The following DNAJB13 variants were observed in gnomAD, a reference collection of about 807,000 sequenced individuals.
The protein encoded by DNAJB13 is dnaJ homolog subfamily B member 13.
DNAJB13 carries 22 observed loss-of-function variants against 35.6 expected under a neutral mutation model. The observed-to-expected ratio is 0.62, with a 90% CI of 0.44 to 0.88. DNAJB13 has a LOEUF of 0.88. Ranked by LOEUF, DNAJB13 falls within the 40% of genes least tolerant of loss-of-function variation. The pLI is 0.00. For missense variants in DNAJB13, 370 were observed against 384.3 expected, an observed-to-expected ratio of 0.96 and a Z score of 0.31; for synonymous variants, 136 against 144.2, an observed-to-expected ratio of 0.94 and a Z score of 0.41.
At chr11:73,966,054 A>C in intron 4 of DNAJB13, 84 bp from the exon 5 acceptor site, 1 of 1,245,776 alleles carries the variant, frequency 8.0e-7, no homozygotes. Flanking sequence ...AGGTCACCTG[A>C]GTGTTCATGA....
chr11:73,964,475 T>G, intron 3 of DNAJB13: 1 of 229,884 alleles, frequency 4.4e-6, no homozygotes, highest in Admixed American at 5.3e-5. Flanking sequence ...CTACCAGCAG[T>G]CTCTTCTGGC....
Position 73,970,130 on chromosome 11 carries a change from G to GC in DNAJB13, c.*17dup. 1 of 1,584,150 alleles carries GC rather than the reference G, an allele frequency of 6.3e-7. No homozygotes were observed. Among genetic ancestry groups the GC allele is most frequent in the Non-Finnish European group, 8.6e-7 (1 of 1,163,718 alleles). On this transcript the variant is annotated 3_prime_UTR_variant, in exon 8 of 8. Transcript: ENST00000339764. ...GCTGACATGACTGTGGTGGGCTGGAGCAGGGGTGAGAGGAGGCTAGCCGGG... is the reference window on the plus strand; with the variant it reads ...GCTGACATGACTGTGGTGGGCTGGAGCCAGGGGTGAGAGGAGGCTAGCCGGG...
chr11:73,968,589 A>C, intron 6 of DNAJB13, 131 bp downstream of exon 6: 1 of 713,090 alleles, frequency 1.4e-6, no homozygotes, highest in Non-Finnish European at 2.4e-6. Flanking sequence ...CCACCCTCTA[A>C]ATCACCATCC....
intron 4 of DNAJB13, chr11:73,965,711 C>G (rs534055238): frequency 2.3e-4 from 40 of 171,024 alleles, no homozygotes; most frequent in African/African-American, 7.1e-4. Context: ...TTTCATTTCT[C>G]TCTTTGGGAT....
rs3222042 is a variant in DNAJB13, at chr11:73,964,765, CTGTGTGTGTGTGTGTGTGTGTG to C, written c.335-86_335-65del. On this transcript the variant is annotated intron_variant, in intron 3 of 7. Transcript: ENST00000339764. Reference sequence around the variant, plus strand: ...TGGGGAGCATATCTGGATAGGGAGGCTGTGTGTGTGTGTGTGTGTGTGTGTGTGTGTGTGTGTGTGTGTGTGT... The same window carrying C: ...TGGGGAGCATATCTGGATAGGGAGGCTGTGTGTGTGTGTGTGTGTGTGTGT... The C allele has an allele frequency of 1.5e-3, 1,004 of 659,750 alleles. 16 individuals carry two copies. Among genetic ancestry groups the C allele is most frequent in the African/African-American group, 6.7e-4 (28 of 42,012 alleles). The allele number at this position is 659,750 out of a possible 1,614,324, so 40.9% of individuals were successfully genotyped here.
intron 5 of DNAJB13, 47 bp downstream of exon 5, chr11:73,966,298 G>A (rs759801596): frequency 1.0e-5 from 16 of 1,547,424 alleles, no homozygotes; most frequent in Non-Finnish European, 1.3e-5. Flanking sequence ...AGCTCAGGCG[G>A]TGGGAAGACT....
chr11:73,964,777 GT>G, intron 3 of DNAJB13, 100 bp from the exon 4 acceptor site: 1 of 523,740 alleles, frequency 1.9e-6, no homozygotes. Flanking sequence ...GTGTGTGTGT[GT>G]GTGTGTGTGT....
intron 3 of DNAJB13, among the ~76,000 whole-genome samples, chr11:73,961,649 T>C (rs930728001): frequency 1.3e-5 from 2 of 152,174 alleles, no homozygotes; most frequent in Admixed American, 6.5e-5. Flanking sequence ...AGGAACTACC[T>C]GATGAACAGA....
rs1374843910 is a variant in DNAJB13 at position 73,964,876 on chromosome 11, A to G, written c.335-2A>G. On this transcript the variant is annotated splice_acceptor_variant, in intron 3 of 7. Transcript: ENST00000339764. LOFTEE classifies it high-confidence loss of function. ...TCTTACTCCTCTCCCTACCTCCTGC[A>G]GAGTTTTTTGATGCAGAAGGAAGTG... is the stretch of plus-strand genomic sequence containing the variant. 1.2e-6 allele frequency: 2 copies of G among 1,612,646 alleles called. No homozygotes were observed. Among genetic ancestry groups the G allele is most frequent in the East Asian group, 2.2e-5 (1 of 44,790 alleles).
intron 1 of DNAJB13, 42 bp downstream of exon 1, chr11:73,951,179 C>T (rs1435306593): frequency 3.7e-6 from 6 of 1,610,850 alleles, no homozygotes; most frequent in Non-Finnish European, 5.1e-6. Context: ...TGTGCTGGGG[C>T]AGGCCCTGCC....
intron 1 of DNAJB13, among the ~76,000 whole-genome samples, chr11:73,952,912 G>A (rs1950622228): frequency 6.7e-6 from 1 of 149,372 alleles, no homozygotes; most frequent in Non-Finnish European, 1.5e-5. Context: ...TCATTTGCAT[G>A]TGAAACCATG....
chr11:73,956,373 G>T (rs1950741460), intron 1 of DNAJB13, among the ~76,000 whole-genome samples: 1 of 152,186 alleles, frequency 6.6e-6, no homozygotes. Flanking sequence ...GGTCAAGGGA[G>T]CAGCAAGAGA....
intron 3 of DNAJB13, among the ~76,000 whole-genome samples, chr11:73,962,283 C>A (rs960601376): frequency 6.6e-6 from 1 of 152,098 alleles, no homozygotes; most frequent in Non-Finnish European, 1.5e-5. Context: ...TTGATCTCAG[C>A]GTAGCCAAAT....
intron 2 of DNAJB13, among the ~76,000 whole-genome samples, chr11:73,958,919 G>T: frequency 6.6e-6 from 1 of 152,202 alleles, no homozygotes; most frequent in East Asian, 1.9e-4. Context: ...TGAAGAAAGT[G>T]TGATCCCCGC....
Position 73,970,152 on chromosome 11 carries a change from C to T in DNAJB13, c.*38C>T, listed in dbSNP as rs372767380. On this transcript the variant is annotated 3_prime_UTR_variant, in exon 8 of 8. Coordinates refer to ENST00000339764, the MANE Select transcript of DNAJB13 (RefSeq NM_153614.4). ...GGAGCAGGGGTGAGAGGAGGCTAGCCGGGCCTCACCCCACCCCTACCCGCC... is the reference window on the plus strand; with the variant it reads ...GGAGCAGGGGTGAGAGGAGGCTAGCTGGGCCTCACCCCACCCCTACCCGCC... 21 of 1,541,078 alleles carry T rather than the reference C, an allele frequency of 1.4e-5. No homozygotes were observed. The highest frequency in any genetic ancestry group is 2.7e-5 in the African/African-American group (2 of 73,968).
intron 3 of DNAJB13, 71 bp from the exon 4 acceptor site, chr11:73,964,807 G>GCC (rs1951041274): frequency 5.4e-6 from 7 of 1,284,880 alleles, no homozygotes; most frequent in Non-Finnish European, 7.6e-6. Flanking sequence ...GTGTGTGTGT[G>GCC]TGTGTGCGCG....
intron 4 of DNAJB13, 25 bp downstream of exon 4, chr11:73,965,060 G>A (rs879571968): frequency 5.9e-6 from 9 of 1,537,222 alleles, no homozygotes; most frequent in East Asian, 2.3e-5. Flanking sequence ...TGCTCCTCCC[G>A]GGAGCCACCT....
intron 5 of DNAJB13, among the ~76,000 whole-genome samples, chr11:73,967,194 C>T (rs1027602490): frequency 6.6e-6 from 1 of 152,084 alleles, no homozygotes; most frequent in Non-Finnish European, 1.5e-5. Context: ...AGGGTTTCTC[C>T]GTGTTGGCCA....
chr11:73,968,670 C>A (rs1270642239), intron 6 of DNAJB13, among the ~76,000 whole-genome samples: 1 of 152,194 alleles, frequency 6.6e-6, no homozygotes, highest in Admixed American at 6.5e-5. Context: ...CCTTCCTCCC[C>A]ACTTCTCATC....
Sources: gnomAD v4.1 joint callset for allele counts (sites outside exome capture counted in the v4.1 genomes callset) on GRCh38, gnomAD v4.1.1 for gene constraint, MANE v1.5 for transcripts, NCBI Gene and HGNC (gene_info 2026-07-23, HGNC 2026-07-21) for gene names.